KCNIP1: variants seen among roughly 807,000 people sequenced by gnomAD.
The protein encoded by KCNIP1 is potassium voltage-gated channel interacting protein 1.
KCNIP1 carries 18 observed loss-of-function variants against 33.0 expected under a neutral mutation model. That is an observed-to-expected ratio of 0.55 (90% CI 0.38 to 0.81). The LOEUF is 0.81. KCNIP1 is among the 30% of genes least tolerant of loss of function. The pLI, the probability that KCNIP1 is intolerant of heterozygous loss-of-function variation, is 0.00. For missense variants in KCNIP1, 238 were observed against 271.6 expected, an observed-to-expected ratio of 0.88 and a Z score of 0.87; for synonymous variants, 93 against 98.3, an observed-to-expected ratio of 0.95 and a Z score of 0.32.
intron 1 of KCNIP1, among the ~76,000 whole-genome samples, chr5:170,701,237 T>C (rs1763090224): frequency 6.6e-6 from 1 of 152,198 alleles, no homozygotes; most frequent in Non-Finnish European, 1.5e-5. Context: ...GAAGACTTCC[T>C]ATAGAAGACA....
At chr5:170,385,004 T>C (rs562072811) in intron 1 of KCNIP1, among the ~76,000 whole-genome samples, 2 of 152,300 alleles carry the variant, frequency 1.3e-5, no homozygotes, top group Admixed American at 1.3e-4. Context: ...CCTCCTGGGA[T>C]CAAACTTGCA....
At chr5:170,666,777 T>G (rs1028154288) in intron 1 of KCNIP1, among the ~76,000 whole-genome samples, 1 of 152,302 alleles carries the variant, frequency 6.6e-6, no homozygotes, top group African/African-American at 2.4e-5. Context: ...CAGCTTCCAT[T>G]TGGCCATCCT....
chr5:170,574,766 C>T (rs1421531333), intron 1 of KCNIP1, among the ~76,000 whole-genome samples: 1 of 152,194 alleles, frequency 6.6e-6, no homozygotes, highest in Non-Finnish European at 1.5e-5. Context: ...TGGCAGGGCA[C>T]ACTCACACAC....
At chr5:170,640,086 C>T (rs112154331) in intron 1 of KCNIP1, among the ~76,000 whole-genome samples, 3,262 of 152,318 alleles carry the variant, frequency 0.021, 124 homozygotes, top group African/African-American at 0.073. Context: ...GTGAGAGTGG[C>T]AGTGGCTTCC....
chr5:170,487,833 T>C (rs890001534), intron 1 of KCNIP1, among the ~76,000 whole-genome samples: 1 of 149,778 alleles, frequency 6.7e-6, no homozygotes, highest in African/African-American at 2.5e-5. Context: ...ACAGTACATT[T>C]TTCTTGCCCC....
intron 1 of KCNIP1, chr5:170,385,170 T>G (rs1259012460): frequency 1.1e-5 from 10 of 910,966 alleles, no homozygotes; most frequent in Non-Finnish European, 1.2e-5. Context: ...ACTTGAACCC[T>G]AGAACCTAAG....
chr5:170,565,259 T>C (rs1402525406), intron 1 of KCNIP1, among the ~76,000 whole-genome samples: 3 of 152,142 alleles, frequency 2.0e-5, no homozygotes, highest in Admixed American at 6.5e-5. Flanking sequence ...GTTATGCAAA[T>C]GCCCTTGTCT....
intron 1 of KCNIP1, among the ~76,000 whole-genome samples, chr5:170,523,209 G>T (rs1242748803): frequency 1.3e-5 from 2 of 152,184 alleles, no homozygotes; most frequent in African/African-American, 2.4e-5. Context: ...AGTCTGACAG[G>T]TGCCCAAGGT....
At chr5:170,383,790 C>G (rs1326454046) in intron 1 of KCNIP1, 1 of 1,613,992 alleles carries the variant, frequency 6.2e-7, no homozygotes, top group Non-Finnish European at 8.5e-7. Flanking sequence ...TGCCCTTCAG[C>G]TCCTCCTGGT....
At chr5:170,602,684 G>A (rs2113591307) in intron 1 of KCNIP1, among the ~76,000 whole-genome samples, 1 of 152,300 alleles carries the variant, frequency 6.6e-6, no homozygotes, top group African/African-American at 2.4e-5. Context: ...TAGACTCAAG[G>A]ACTAAGAACA....
At chr5:170,491,727 C>CTA (rs923364210) in intron 1 of KCNIP1, among the ~76,000 whole-genome samples, 18 of 152,284 alleles carry the variant, frequency 1.2e-4, no homozygotes, top group African/African-American at 4.3e-4. Context: ...GCATCTAGAC[C>CTA]TACAGGGGAG....
chr5:170,485,527 A>T (rs1295910745), intron 1 of KCNIP1, among the ~76,000 whole-genome samples: 1 of 152,184 alleles, frequency 6.6e-6, no homozygotes, highest in Non-Finnish European at 1.5e-5. Context: ...CAGGGTCATG[A>T]GGATTCATAA....
chr5:170,681,033 G>T (rs1161850290), intron 1 of KCNIP1: 7 of 399,336 alleles, frequency 1.8e-5, no homozygotes, highest in African/African-American at 8.2e-5. Context: ...TTGAATGACC[G>T]CCTAGCGCTT....
rs544297865 is a variant in KCNIP1 at position 170,558,787 on chromosome 5, G to A, written c.61+54154G>A. Among the ~76,000 whole-genome samples, 9 of 152,318 alleles carry A rather than the reference G, an allele frequency of 5.9e-5. No homozygotes were observed. In the South Asian group the frequency reaches 8.3e-4, roughly 14 times the overall value. On this transcript the variant is annotated intron_variant, in intron 1 of 7. Coordinates refer to ENST00000328939, the MANE Select transcript of KCNIP1 (RefSeq NM_014592.4). ...ACAGAAATCCTTAAGAGCATCAGCC[G>A]TGACACAGAAATCTAATACAATAAA... is the stretch of plus-strand genomic sequence containing the variant.
In KCNIP1 at chr5:170,361,053, T is replaced by A. The variant is rs369814074; in HGVS notation, c.88+7089T>A. Among the ~76,000 whole-genome samples the A allele has an allele frequency of 1.7e-4, 26 of 152,308 alleles. No individual in the cohort carries two copies. In the East Asian group the frequency reaches 1.9e-3, roughly 11 times the overall value. On this transcript the variant is annotated intron_variant, in intron 1 of 7. Transcript: ENST00000377360. ...GTCAGTGCAAACAAGACCAAAGGCC[T>A]GTTCCTGCCCCCATTCCGCTCTCAT...
chr5:170,546,370 C>T (rs1756409459), intron 1 of KCNIP1, among the ~76,000 whole-genome samples: 1 of 152,228 alleles, frequency 6.6e-6, no homozygotes, highest in Non-Finnish European at 1.5e-5. Flanking sequence ...GCCACCTGAG[C>T]TGCATAGAGC....
intron 1 of KCNIP1, among the ~76,000 whole-genome samples, chr5:170,468,343 T>C (rs1288828900): frequency 6.6e-6 from 1 of 152,208 alleles, no homozygotes; most frequent in Non-Finnish European, 1.5e-5. Flanking sequence ...CATTTGTAAA[T>C]GAGACGAAAC....
At chr5:170,688,663 T>C (rs1762622213) in intron 1 of KCNIP1, among the ~76,000 whole-genome samples, 2 of 152,156 alleles carry the variant, frequency 1.3e-5, no homozygotes, top group Admixed American at 1.3e-4. Context: ...CACAGTCATA[T>C]TAATAGTGAC....
intron 1 of KCNIP1, among the ~76,000 whole-genome samples, chr5:170,498,691 T>C (rs753641231): frequency 1.6e-4 from 25 of 152,140 alleles, no homozygotes; most frequent in Admixed American, 1.0e-3. Flanking sequence ...TAAATATTCA[T>C]TGAATAAATG....
Sources: gnomAD v4.1 joint callset for allele counts (sites outside exome capture counted in the v4.1 genomes callset) on GRCh38, gnomAD v4.1.1 for gene constraint, MANE v1.5 for transcripts, NCBI Gene and HGNC (gene_info 2026-07-23, HGNC 2026-07-21) for gene names.